Variants in LRRC75A observed in about 807,000 individuals in gnomAD.
LRRC75A encodes leucine-rich repeat-containing protein 75A.
Under a neutral mutation model 26.0 loss-of-function variants are expected in LRRC75A, and 12 were observed. The ratio of observed to expected loss-of-function variants is 0.46; its 90% CI spans 0.30 to 0.75. LRRC75A has a LOEUF of 0.75. LRRC75A is among the 30% of genes least tolerant of loss of function. The pLI, the probability that LRRC75A is intolerant of heterozygous loss-of-function variation, is 0.08. For synonymous variants in LRRC75A, 223 were observed against 219.3 expected, an observed-to-expected ratio of 1.02 and a Z score of -0.15; for missense variants, 410 against 486.6, an observed-to-expected ratio of 0.84 and a Z score of 1.48.
intron 2 of LRRC75A, among the ~76,000 whole-genome samples, chr17:16,454,816 G>T (rs1016845325): frequency 1.3e-5 from 2 of 151,956 alleles, no homozygotes; most frequent in African/African-American, 4.8e-5. Flanking sequence ...AGAGATGGGG[G>T]TCTCACTATA....
At position 16,492,135 on chromosome 17, in the gene LRRC75A, C is replaced by T. The variant is rs959981529; in HGVS notation, c.-145G>A. 3.1e-6 allele frequency: 2 copies of T among 642,720 alleles called. No individual in the cohort carries two copies. Among genetic ancestry groups the T allele is most frequent in the Non-Finnish European group, 3.9e-6 (2 of 515,852 alleles). The allele number at this position is 642,720 out of a possible 1,614,324, so 39.8% of individuals were successfully genotyped here. On this transcript the variant is annotated 5_prime_UTR_variant, in exon 1 of 4. Coordinates refer to ENST00000470794, the MANE Select transcript of LRRC75A (RefSeq NM_001113567.3). ...TGCGCGCGGGCGTCGCGGGGGCGGGCGGGCGGGCGGCTGTCGGCGCTCCCC... is the reference window on the plus strand; with the variant it reads ...TGCGCGCGGGCGTCGCGGGGGCGGGTGGGCGGGCGGCTGTCGGCGCTCCCC...
chr17:16,463,054 A>T (rs976860358), intron 1 of LRRC75A: 3 of 152,746 alleles, frequency 2.0e-5, no homozygotes, highest in Non-Finnish European at 4.4e-5. Flanking sequence ...GGTCTGAGGA[A>T]GGAATTGGGT....
chr17:16,488,149 G>A (rs965786825), intron 1 of LRRC75A, among the ~76,000 whole-genome samples: 12 of 152,352 alleles, frequency 7.9e-5, no homozygotes, highest in African/African-American at 2.6e-4. Flanking sequence ...AATGGCGGAA[G>A]GTTATTTCTT....
At chr17:16,469,739 C>T (rs1042419921) in intron 1 of LRRC75A, among the ~76,000 whole-genome samples, 1 of 152,252 alleles carries the variant, frequency 6.6e-6, no homozygotes, top group South Asian at 2.1e-4. Context: ...ATGTTCAGGA[C>T]ACTTCCTGTC....
chr17:16,474,616 C>T (rs531777382), intron 1 of LRRC75A, among the ~76,000 whole-genome samples: 5 of 151,968 alleles, frequency 3.3e-5, no homozygotes, highest in African/African-American at 7.2e-5. Context: ...TTATCTGAAT[C>T]GGTTGTTTAT....
rs994209493 is a variant in LRRC75A at position 16,458,122 on chromosome 17, T to G, written c.375+4136A>C. On this transcript the variant is annotated intron_variant, in intron 2 of 3. Transcript: ENST00000470794. ...GAGTTTGAGACCAGGCTGGCCAACA[T>G]GGTGAAACCCCGTCTCTACTAAAAA... Among the ~76,000 whole-genome samples, 3 of 152,242 alleles carry G rather than the reference T, an allele frequency of 2.0e-5. No individual in the cohort carries two copies. In the East Asian group the frequency reaches 5.8e-4, roughly 30 times the overall value.
chr17:16,480,999 G>A (rs751379611), intron 1 of LRRC75A, among the ~76,000 whole-genome samples: 1 of 152,250 alleles, frequency 6.6e-6, no homozygotes, highest in Non-Finnish European at 1.5e-5. Flanking sequence ...TCTCTGGGCT[G>A]TGTGCGCCTC....
chr17:16,463,347 C>G (rs1021145929), intron 1 of LRRC75A: 5 of 152,552 alleles, frequency 3.3e-5, no homozygotes, highest in Admixed American at 1.3e-4. Context: ...TCAAGCCCCC[C>G]CCTCCCAATT....
At chr17:16,468,771 C>A (rs967962933) in intron 1 of LRRC75A, among the ~76,000 whole-genome samples, 1 of 152,168 alleles carries the variant, frequency 6.6e-6, no homozygotes, top group Non-Finnish European at 1.5e-5. Flanking sequence ...TGCCTGTAAT[C>A]CCGGCACTTT....
In LRRC75A at chr17:16,445,157, CAT is replaced by C. The variant is rs1491347566; in HGVS notation, c.492-1028_492-1027del. Among the ~76,000 whole-genome samples the C allele has an allele frequency of 1.9e-3, 178 of 91,578 alleles. 1 individual carries two copies. Among genetic ancestry groups the C allele is most frequent in the African/African-American group, 6.6e-3 (165 of 25,006 alleles). 60.1% of individuals were successfully genotyped at this position (91,578 alleles called of 152,430 possible). A position where few individuals can be genotyped will look rare whatever the true frequency, so the allele number is the denominator to read the frequency against. On this transcript the variant is annotated intron_variant, in intron 3 of 3. Coordinates refer to ENST00000470794, the MANE Select transcript of LRRC75A (RefSeq NM_001113567.3). ...AGCCAACACGCCTGGCCATTTTCTG[CAT>C]TTTTTTTTTTTTTTTTTTTTTTTTT...
intron 2 of LRRC75A, among the ~76,000 whole-genome samples, chr17:16,456,857 G>GC (rs2093689770): frequency 6.6e-6 from 1 of 152,226 alleles, no homozygotes; most frequent in Non-Finnish European, 1.5e-5. Flanking sequence ...CTCAATGGCT[G>GC]TGTGCTGAAT....
At position 16,449,430 on chromosome 17, in the gene LRRC75A, G is replaced by C. The variant is rs769148415; in HGVS notation, c.376-1470C>G. ...GGATTACAGTACAGACCTCACAAGA[G>C]TTTCTGTGAGGATTAAATGAGTCAC... On this transcript the variant is annotated intron_variant, in intron 2 of 3. Transcript: ENST00000470794. Among the ~76,000 whole-genome samples, 30 of 152,232 alleles carry C rather than the reference G, an allele frequency of 2.0e-4. No individual in the cohort carries two copies. The Middle Eastern group carries it at 0.01, about 52-fold the overall frequency.
chr17:16,453,258 TGGCCTG>T (rs1468055020), intron 2 of LRRC75A, among the ~76,000 whole-genome samples: 1 of 151,986 alleles, frequency 6.6e-6, no homozygotes, highest in African/African-American at 2.4e-5. Flanking sequence ...CACTGAACTC[TGGCCTG>T]GGCGCCAGAG....
rs143366898 is a variant in LRRC75A, at chr17:16,480,164, C to T, written c.246+11581G>A. ...CAGGAAAAGAAGCTCAGCGCCCTCA[C>T]TGATTCCACATTATGGGGAGTTGTA... On this transcript the variant is annotated intron_variant, in intron 1 of 3. Transcript: ENST00000470794. Among the ~76,000 whole-genome samples, 17 of 152,358 alleles carry T rather than the reference C, an allele frequency of 1.1e-4. No individual in the cohort carries two copies. The East Asian group carries it at 3.3e-3, about 29-fold the overall frequency.
intron 1 of LRRC75A, among the ~76,000 whole-genome samples, chr17:16,469,105 G>A (rs533412762): frequency 1.3e-5 from 2 of 152,178 alleles, no homozygotes; most frequent in East Asian, 1.9e-4. Flanking sequence ...ACCAACACTG[G>A]CTCTGTGTCT....
At chr17:16,468,310 G>A (rs1445499969) in intron 1 of LRRC75A, among the ~76,000 whole-genome samples, 1 of 152,216 alleles carries the variant, frequency 6.6e-6, no homozygotes, top group African/African-American at 2.4e-5. Context: ...CAATCCGGGT[G>A]GCCATGAACA....
At chr17:16,490,923 C>T (rs1191408453) in intron 1 of LRRC75A, among the ~76,000 whole-genome samples, 1 of 152,230 alleles carries the variant, frequency 6.6e-6, no homozygotes, top group Non-Finnish European at 1.5e-5. Flanking sequence ...GGGCCATGCT[C>T]CTCTCCCCAC....
intron 1 of LRRC75A, among the ~76,000 whole-genome samples, chr17:16,480,384 C>T (rs1301611901): frequency 6.6e-6 from 1 of 152,096 alleles, no homozygotes; most frequent in African/African-American, 2.4e-5. Context: ...AATCCTAGCA[C>T]TTTGGGAGGC....
chr17:16,455,700 T>C (rs4792750), intron 2 of LRRC75A, among the ~76,000 whole-genome samples: 91,530 of 152,034 alleles, frequency 0.6, 28,222 homozygotes, highest in Non-Finnish European at 0.66. Flanking sequence ...ACAGGTATTA[T>C]TAATAACCCC....
Sources: gnomAD v4.1 joint callset for allele counts (sites outside exome capture counted in the v4.1 genomes callset) on GRCh38, gnomAD v4.1.1 for gene constraint, MANE v1.5 for transcripts, NCBI Gene and HGNC (gene_info 2026-07-23, HGNC 2026-07-21) for gene names.